LYPLAL1: variants seen among roughly 807,000 people sequenced by gnomAD.
LYPLAL1 encodes lysophospholipase like 1, also known as lysophospholipase-like protein 1.
A neutral mutation model predicts 19.7 loss-of-function variants in LYPLAL1; 23 were observed. The observed-to-expected ratio is 1.17, with a 90% CI of 0.84 to 1.65. The LOEUF (loss-of-function observed/expected upper bound fraction) is 1.65. Ranked by LOEUF, LYPLAL1 falls within the 40% of genes most tolerant of loss-of-function variation. The probability of loss-of-function intolerance (pLI) is 0.00; values close to 1 mark genes in which losing one functional copy is unlikely to be tolerated. For synonymous variants in LYPLAL1, 119 were observed against 96.3 expected (o/e 1.24, Z -1.38); for missense variants, 355 against 279.4 (o/e 1.27, Z -1.93).
the LYPLAL1 span, among the ~76,000 whole-genome samples, chr1:219,372,159 T>C: frequency 6.6e-6 from 1 of 152,198 alleles, no homozygotes; most frequent in Non-Finnish European, 1.5e-5. Context: ...ACAATTACTG[T>C]CTTATTCCAA....
chr1:219,419,584 C>CAGAGAG, the LYPLAL1 span, among the ~76,000 whole-genome samples: 45 of 129,078 alleles, frequency 3.5e-4, 1 homozygote, highest in African/African-American at 1.3e-3. Context: ...CACACACACA[C>CAGAGAG]ACACACACAC....
intron 2 of LYPLAL1, among the ~76,000 whole-genome samples, chr1:219,191,171 A>G (rs534358338): frequency 1.1e-4 from 16 of 151,716 alleles, no homozygotes; most frequent in African/African-American, 3.9e-4. Flanking sequence ...TAGAAAGGTA[A>G]ATTTTTACAA....
chr1:219,201,659 T>C (rs1396173640), intron 3 of LYPLAL1, among the ~76,000 whole-genome samples: 2 of 152,164 alleles, frequency 1.3e-5, no homozygotes, highest in African/African-American at 4.8e-5. Flanking sequence ...GCCTCTTTTT[T>C]CTACATTGAG....
At chr1:219,185,591 G>T (rs1558224619) in intron 2 of LYPLAL1, among the ~76,000 whole-genome samples, 2 of 151,956 alleles carry the variant, frequency 1.3e-5, no homozygotes, top group East Asian at 3.9e-4. Context: ...CACAAATTTT[G>T]TGGGCTAAGA....
intron 1 of LYPLAL1, 94 bp downstream of exon 1, chr1:219,174,075 C>A: frequency 6.4e-7 from 1 of 1,558,348 alleles, no homozygotes; most frequent in Admixed American, 1.9e-5. Context: ...TGTCGCCGGG[C>A]CCAAATAGGG....
At chr1:219,392,250 C>T in the LYPLAL1 span, among the ~76,000 whole-genome samples, 1 of 152,166 alleles carries the variant, frequency 6.6e-6, no homozygotes, top group African/African-American at 2.4e-5. Context: ...TGTGAGCCAA[C>T]ACTTGATCCT....
the LYPLAL1 span, among the ~76,000 whole-genome samples, chr1:219,298,709 T>G: frequency 6.6e-6 from 1 of 152,210 alleles, no homozygotes; most frequent in African/African-American, 2.4e-5. Context: ...TAAAAGGAGG[T>G]TTAAAAAGAA....
chr1:219,297,439 A>G, the LYPLAL1 span, among the ~76,000 whole-genome samples: 2 of 152,214 alleles, frequency 1.3e-5, no homozygotes, highest in Non-Finnish European at 2.9e-5. Context: ...TTTAAAAACA[A>G]AGGCAGGCCA....
chr1:219,251,831 T>C, the LYPLAL1 span, among the ~76,000 whole-genome samples: 2 of 152,210 alleles, frequency 1.3e-5, no homozygotes, highest in East Asian at 3.9e-4. Context: ...GCTGATAGTT[T>C]GATAGGAATA....
Position 219,211,824 on chromosome 1 carries a change from A to G in LYPLAL1, c.*96A>G. On this transcript the variant is annotated 3_prime_UTR_variant, in exon 5 of 5. Coordinates refer to ENST00000366928, the MANE Select transcript of LYPLAL1 (RefSeq NM_138794.5). ...AATGATAATTAAAATATTAAGAAAT[A>G]ACACTTTCCTGACTTTTTTATTATT... 2.5e-6 allele frequency: 2 copies of G among 790,200 alleles called. No individual in the cohort carries two copies. Among genetic ancestry groups the G allele is most frequent in the Admixed American group, 2.9e-5 (1 of 34,668 alleles). The allele number at this position is 790,200 out of a possible 1,614,324, so 48.9% of individuals were successfully genotyped here. A position where few individuals can be genotyped will look rare whatever the true frequency, so the allele number is the denominator to read the frequency against.
chr1:219,210,108 A>G (rs1050251465), intron 3 of LYPLAL1, among the ~76,000 whole-genome samples: 2 of 152,164 alleles, frequency 1.3e-5, no homozygotes, highest in Non-Finnish European at 2.9e-5. Flanking sequence ...CACCAGATAC[A>G]TAACTCCTTA....
At chr1:219,360,002 G>T in the LYPLAL1 span, among the ~76,000 whole-genome samples, 1,952 of 152,272 alleles carry the variant, frequency 0.013, 20 homozygotes, top group Non-Finnish European at 0.018. Flanking sequence ...TTTGCCCAAG[G>T]TCTTGTAAGT....
At chr1:219,200,646 T>C in intron 3 of LYPLAL1, 3 of 218,648 alleles carry the variant, frequency 1.4e-5, no homozygotes, top group South Asian at 1.6e-4. Flanking sequence ...GTAGTGTTCC[T>C]GATGCCACGA....
At chr1:219,366,908 A>G in the LYPLAL1 span, among the ~76,000 whole-genome samples, 6 of 152,074 alleles carry the variant, frequency 3.9e-5, no homozygotes, top group Non-Finnish European at 8.8e-5. Flanking sequence ...TTCCAGAAAA[A>G]TGAAAAAAAT....
chr1:219,241,134 C>CTCTCTCTCTCTCTCTA, the LYPLAL1 span, among the ~76,000 whole-genome samples: 11 of 44,366 alleles, frequency 2.5e-4, no homozygotes, highest in East Asian at 8.2e-4. Flanking sequence ...CTCTCTCTCT[C>CTCTCTCTCTCTCTCTA]TATATATATA....
At chr1:219,220,943 A>G in the LYPLAL1 span, among the ~76,000 whole-genome samples, 3 of 152,302 alleles carry the variant, frequency 2.0e-5, no homozygotes, top group South Asian at 6.2e-4. Context: ...GTAAGGCAGC[A>G]TTTACAACCC....
At chr1:219,356,514 A>G in the LYPLAL1 span, among the ~76,000 whole-genome samples, 3 of 152,118 alleles carry the variant, frequency 2.0e-5, no homozygotes, top group Non-Finnish European at 2.9e-5. Flanking sequence ...ACAACAACAA[A>G]AGGGAAAATA....
At chr1:219,379,403 T>C in the LYPLAL1 span, among the ~76,000 whole-genome samples, 5 of 152,362 alleles carry the variant, frequency 3.3e-5, no homozygotes, top group African/African-American at 9.6e-5. Context: ...AGAAGCAAAC[T>C]GTCTCTTCAC....
Position 219,173,955 on chromosome 1 carries a change from CCT to C in LYPLAL1, c.70_71del (p.Leu24AspfsTer8), listed in dbSNP as rs770274598. The C allele has an allele frequency of 6.2e-7, 1 of 1,614,058 alleles. No individual in the cohort carries two copies. Among genetic ancestry groups the C allele is most frequent in the East Asian group, 2.2e-5 (1 of 44,870 alleles). On this transcript the variant is annotated frameshift_variant, in exon 1 of 5. Transcript: ENST00000366928. LOFTEE classifies it high-confidence loss of function. ...GTGTCGCCGGCAGGGAGGCATAGCG[CCT>C]CTCTGATCTTCCTGCATGGCTCAGG... is the stretch of plus-strand genomic sequence containing the variant.
Sources: gnomAD v4.1 joint callset for allele counts (sites outside exome capture counted in the v4.1 genomes callset) on GRCh38, gnomAD v4.1.1 for gene constraint, MANE v1.5 for transcripts, NCBI Gene and HGNC (gene_info 2026-07-23, HGNC 2026-07-21) for gene names.